FBXO2: variants seen among roughly 807,000 people sequenced by gnomAD.
FBXO2 encodes F-box protein 2, also known as F-box only protein 2.
In FBXO2, 32 loss-of-function variants were observed where a neutral mutation model predicts 38.6. That is an observed-to-expected ratio of 0.83 (90% CI 0.62 to 1.11). The LOEUF (loss-of-function observed/expected upper bound fraction) is 1.11, where lower values mean the gene tolerates loss of function less well. Among genes scored for constraint, FBXO2 ranks in the 50% most tolerant of loss-of-function variants. The pLI, the probability that FBXO2 is intolerant of heterozygous loss-of-function variation, is 0.00. For synonymous variants in FBXO2, 189 were observed against 182.9 expected (o/e 1.03, Z -0.27); for missense variants, 450 against 418.3 (o/e 1.08, Z -0.66).
chr1:11,649,988 T>C lies in FBXO2; in HGVS notation c.478A>G (p.Thr160Ala). 6.2e-7 allele frequency: 1 copy of C among 1,613,936 alleles called. No homozygotes were observed. Among genetic ancestry groups the C allele is most frequent in the South Asian group, 1.1e-5 (1 of 91,066 alleles). The change falls in exon 3 of 6, where the codon ACC (threonine) becomes GCC (alanine). Residue 160 changes from threonine (T) to alanine (A), a missense_variant. By Grantham distance (58) the Thr-to-Ala change is moderately conservative. Transcript: ENST00000354287. ...TACTTCTTGACGCTCTCATCGTGGG[T>C]GAACTCCACCCCACTGTCTCCAGGC... ...ELPGDSGVEF[T>A]HDESVKKYFA...
At position 11,648,568 on chromosome 1, in the gene FBXO2, G is replaced by A. The variant is rs1178609895; in HGVS notation, c.*126C>T. On this transcript the variant is annotated 3_prime_UTR_variant, in exon 6 of 6. Coordinates refer to ENST00000354287, the MANE Select transcript of FBXO2 (RefSeq NM_012168.6). This position sits in a 1 kb window ranked among gnomAD's most constrained non-coding sequence, Gnocchi z 4.2. ...CTCTCCCTGCTCAGGGGCTGGGATC[G>A]GAGCAAGGGATGGGAGGAGGATGTG... 13 of 1,318,178 alleles carry A rather than the reference G, an allele frequency of 9.9e-6. No individual in the cohort carries two copies. Among genetic ancestry groups the A allele is most frequent in the South Asian group, 1.4e-5 (1 of 69,766 alleles). 81.7% of individuals were successfully genotyped at this position (1,318,178 alleles called of 1,614,324 possible).
Position 11,649,187 on chromosome 1 carries a change from A to G in FBXO2, c.656T>C (p.Leu219Pro). The G allele has an allele frequency of 1.3e-6, 2 of 1,524,180 alleles. No individual in the cohort carries two copies. Among genetic ancestry groups the G allele is most frequent in the Non-Finnish European group, 8.8e-7 (1 of 1,129,972 alleles). 94.4% of individuals were successfully genotyped at this position (1,524,180 alleles called of 1,614,324 possible). A position where few individuals can be genotyped will look rare whatever the true frequency, so the allele number is the denominator to read the frequency against. Residue 219 changes from leucine to proline, a missense_variant, in exon 5 of 6, where the codon CTC (leucine) becomes CCC (proline). Physicochemically the swap from Leu to Pro is moderately conservative, Grantham distance 98 (BLOSUM62 -3). Coordinates refer to ENST00000354287, the MANE Select transcript of FBXO2 (RefSeq NM_012168.6). ...GTGCTCGGACAGTAGCTTAACGGTG[A>G]GCTCGTAGAGGCAACCAGCGTCGCT... is the stretch of plus-strand genomic sequence containing the variant. ...GRSDAGCLYE[L>P]TVKLLSEHEN...
chr1:11,652,996 G>A (rs535468574), intron 1 of FBXO2, among the ~76,000 whole-genome samples: 31 of 152,222 alleles, frequency 2.0e-4, no homozygotes, highest in African/African-American at 6.5e-4. Flanking sequence ...GATTTACACC[G>A]GCCCCTTTGG....
chr1:11,652,914 A>G (rs1263214828), intron 1 of FBXO2, among the ~76,000 whole-genome samples: 1 of 152,202 alleles, frequency 6.6e-6, no homozygotes, highest in African/African-American at 2.4e-5. Context: ...AATCTTACTG[A>G]GTGAACCTCA....
rs903954795 is a variant in FBXO2, at chr1:11,648,426, G to A, written c.*268C>T. 6 of 463,764 alleles carry A rather than the reference G, an allele frequency of 1.3e-5. No homozygotes were observed. Among genetic ancestry groups the A allele is most frequent in the Admixed American group, 1.0e-4 (3 of 29,014 alleles). 28.7% of individuals were successfully genotyped at this position (463,764 alleles called of 1,614,324 possible). A position where few individuals can be genotyped will look rare whatever the true frequency, so the allele number is the denominator to read the frequency against. The stretch of plus-strand genomic sequence containing the variant: ...AATATTTATTGAGAGCCCACTTTGT[G>A]GCAAGCACTGTGCTAGGTGCAGGGA... On this transcript the variant is annotated 3_prime_UTR_variant, in exon 6 of 6. Transcript: ENST00000354287. The surrounding 1 kb of genome is among the most constrained non-coding windows in gnomAD (Gnocchi z 4.2).
chr1:11,651,469 C>T (rs1639519219), intron 1 of FBXO2, among the ~76,000 whole-genome samples: 2 of 152,204 alleles, frequency 1.3e-5, no homozygotes, highest in African/African-American at 2.4e-5. Flanking sequence ...AGCATTTCAA[C>T]TTCATTTACT....
chr1:11,649,808 C>A lies in FBXO2; in HGVS notation c.588G>T (p.Thr196=). The change falls in exon 4 of 6, where the codon ACG becomes ACT. Residue 196 remains threonine (T), a synonymous_variant. Transcript: ENST00000354287. The stretch of plus-strand genomic sequence containing the variant: ...CCTTCACCACGATGGCCGGCTGAGT[C>A]GTGTCCAGCAGCTCCTCCCAGTAGC... ...AEGYWEELLD[T]TQPAIVVKDW... 2 of 1,613,980 alleles carry A rather than the reference C, an allele frequency of 1.2e-6. No homozygotes were observed. The highest frequency in any genetic ancestry group is 8.5e-7 in the Non-Finnish European group (1 of 1,180,012).
chr1:11,651,052 G>GC (rs1201490440), intron 1 of FBXO2, among the ~76,000 whole-genome samples: 2 of 152,340 alleles, frequency 1.3e-5, no homozygotes, highest in Admixed American at 6.5e-5. Context: ...TGCCTCAGAG[G>GC]CCTATTTCCT....
intron 4 of FBXO2, chr1:11,649,483 G>A: frequency 1.7e-6 from 1 of 590,228 alleles, no homozygotes; most frequent in South Asian, 2.1e-5. Context: ...GCCAAAGCCA[G>A]TCCACAGAGT....
intron 1 of FBXO2, among the ~76,000 whole-genome samples, chr1:11,653,781 A>C (rs1193328786): frequency 6.6e-6 from 1 of 152,154 alleles, no homozygotes; most frequent in Non-Finnish European, 1.5e-5. Context: ...CCTGAGCACC[A>C]GCCAAAGCTG....
In FBXO2 at chr1:11,648,889, C is replaced by G. The variant is rs1325826152; in HGVS notation, c.757-61G>C. On this transcript the variant is annotated intron_variant, in intron 5 of 5. Coordinates refer to ENST00000354287, the MANE Select transcript of FBXO2 (RefSeq NM_012168.6). The surrounding 1 kb of genome is among the most constrained non-coding windows in gnomAD (Gnocchi z 4.2). ...TCCTGAGGCCTCTCCTGCCGCCCCA[C>G]CCCGGTACACCGACCGACCTGCAGC... The G allele has an allele frequency of 6.3e-7, 1 of 1,594,140 alleles. No homozygotes were observed.
intron 1 of FBXO2, 74 bp downstream of exon 1, chr1:11,654,245 C>A (rs1477054769): frequency 3.5e-6 from 5 of 1,449,118 alleles, no homozygotes; most frequent in Non-Finnish European, 3.7e-6. Flanking sequence ...CTCTCTGACG[C>A]CCCTCTGTGC....
rs1416609261 is a variant in FBXO2, at chr1:11,649,865, G to GC, written c.530dup (p.Lys178GlnfsTer6). On this transcript the variant is annotated frameshift_variant, in exon 4 of 6. Transcript: ENST00000354287. LOFTEE classifies it high-confidence loss of function. ...CCTGCAGGTCAATGACCTGTGCTTT[G>GC]CGACACCACCTGGGAGAACTGGAGT... 5.6e-6 allele frequency: 9 copies of GC among 1,613,912 alleles called. No homozygotes were observed. Among genetic ancestry groups the GC allele is most frequent in the African/African-American group, 2.7e-5 (2 of 74,916 alleles).
chr1:11,648,832 G>C lies in FBXO2; in HGVS notation c.757-4C>G. 1.2e-6 allele frequency: 2 copies of C among 1,613,520 alleles called. No homozygotes were observed. The highest frequency in any genetic ancestry group is 1.7e-6 in the Non-Finnish European group (2 of 1,179,968). On this transcript the variant is annotated splice_region_variant and splice_polypyrimidine_tract_variant and intron_variant, in intron 5 of 5. Transcript: ENST00000354287. This position sits in a 1 kb window ranked among gnomAD's most constrained non-coding sequence, Gnocchi z 4.2. ...AGTCGGTGAAGGTGTGGGAGATCTG[G>C]GGGTGGAGGTAACAAGAGTCAGCCT... is the stretch of plus-strand genomic sequence containing the variant.
Position 11,649,091 on chromosome 1 carries a change from A to G in FBXO2, c.752T>C (p.Met251Thr). ...VPQDSDGGGWMEISHTFTDYG... is the reference protein window; with the variant it reads ...VPQDSDGGGWTEISHTFTDYG... The stretch of plus-strand genomic sequence containing the variant: ...CCCTGGGTCCCCCAGGCTCACCTCC[A>G]TCCAGCCCCCGCCGTCACTGTCTTG... The change falls in exon 5 of 6, where the codon ATG (methionine) becomes ACG (threonine). Residue 251 changes from methionine to threonine, a missense_variant. Transcript: ENST00000354287. 6.3e-7 allele frequency: 1 copy of G among 1,583,740 alleles called. No homozygotes were observed. The highest frequency in any genetic ancestry group is 8.6e-7 in the Non-Finnish European group (1 of 1,164,774).
At position 11,650,845 on chromosome 1, in the gene FBXO2, G is replaced by C. The variant is rs902598165; in HGVS notation, c.23-11C>G. 6.4e-7 allele frequency: 1 copy of C among 1,556,134 alleles called. No homozygotes were observed. The highest frequency in any genetic ancestry group is 1.4e-5 in the African/African-American group (1 of 72,182). The stretch of plus-strand genomic sequence containing the variant: ...GCTGGCCCACGCTCTCTGCAGGCAG[G>C]GATGGGTGGGAGGCTGTGATTCCTC... On this transcript the variant is annotated splice_polypyrimidine_tract_variant and intron_variant, in intron 1 of 5. Coordinates refer to ENST00000354287, the MANE Select transcript of FBXO2 (RefSeq NM_012168.6).
At chr1:11,649,595 G>A (rs375932746) in intron 4 of FBXO2, 184 bp downstream of exon 4, 1 of 610,232 alleles carries the variant, frequency 1.6e-6, no homozygotes, top group African/African-American at 1.9e-5. Context: ...ACTCAGGAGG[G>A]GAGGTGGGTT....
rs1324708458 is a variant in FBXO2 at position 11,654,385 on chromosome 1, G to A, written c.-45C>T. 6.6e-6 allele frequency: 9 copies of A among 1,361,764 alleles called. No individual in the cohort carries two copies. The highest frequency in any genetic ancestry group is 3.4e-5 in the South Asian group (2 of 59,224). The allele number at this position is 1,361,764 out of a possible 1,614,324, so 84.4% of individuals were successfully genotyped here. A position where few individuals can be genotyped will look rare whatever the true frequency, so the allele number is the denominator to read the frequency against. ...GAGAGGAGGAGCCGGAGCGCTGCGG[G>A]CTGCGCGAGTCCCGGGGCGGCGAGT... is the stretch of plus-strand genomic sequence containing the variant. On this transcript the variant is annotated 5_prime_UTR_variant, in exon 1 of 6. Coordinates refer to ENST00000354287, the MANE Select transcript of FBXO2 (RefSeq NM_012168.6).
Position 11,650,493 on chromosome 1 carries a change from TGCGGCGCC to T in FBXO2, c.356_363del (p.Arg119GlnfsTer5). ...TCCCCACACGGGTTACGCAGAAGGT[TGCGGCGCC>T]GCTTGCTCAGGAAGTAGAACTGCTG... On this transcript the variant is annotated frameshift_variant, in exon 2 of 6. Transcript: ENST00000354287. LOFTEE classifies it high-confidence loss of function. 6.2e-7 allele frequency: 1 copy of T among 1,609,024 alleles called. No individual in the cohort carries two copies. The highest frequency in any genetic ancestry group is 8.5e-7 in the Non-Finnish European group (1 of 1,178,516).
Sources: gnomAD v4.1 joint callset for allele counts (sites outside exome capture counted in the v4.1 genomes callset) on GRCh38, gnomAD v4.1.1 for gene constraint, Gnocchi (gnomAD v3.1) non-coding constraint, MANE v1.5 for transcripts, NCBI Gene and HGNC (gene_info 2026-07-23, HGNC 2026-07-21) for gene names.